PLCB4: variants seen among roughly 807,000 people sequenced by gnomAD.
PLCB4 encodes the protein phospholipase C beta 4.
In PLCB4, 77 loss-of-function variants were observed where a neutral mutation model predicts 178.8. The observed-to-expected ratio is 0.43, with a 90% CI of 0.36 to 0.52. PLCB4 has a LOEUF of 0.52. PLCB4 is among the 20% of genes least tolerant of loss of function. The probability of loss-of-function intolerance (pLI) is 0.00; values close to 1 mark genes in which losing one functional copy is unlikely to be tolerated. For synonymous variants in PLCB4, 496 were observed against 490.8 expected, an observed-to-expected ratio of 1.01 and a Z score of -0.14; for missense variants, 1,024 against 1,453.4, an observed-to-expected ratio of 0.70 and a Z score of 4.80.
intron 7 of PLCB4, among the ~76,000 whole-genome samples, chr20:9,341,845 C>T (rs1182482676): frequency 6.6e-6 from 1 of 151,980 alleles, no homozygotes; most frequent in East Asian, 1.9e-4. Context: ...CAGTTAAGAA[C>T]TAAAAAATAA....
rs4053132 is a variant in PLCB4 at position 9,293,622 on chromosome 20, T to TATTCATTCATTCATTCATTC, written c.-15-14166_-15-14147dup. On this transcript the variant is annotated intron_variant, in intron 3 of 39. Transcript: ENST00000378473. ...TTGGGAGCTCCTCCACAGAGTAAAA[T>TATTCATTCATTCATTCATTC]ATTCATTCATTCATTCATTCATTCA... Among the ~76,000 whole-genome samples the TATTCATTCATTCATTCATTC allele has an allele frequency of 3.0e-4, 45 of 150,866 alleles. 1 individual carries two copies. The highest frequency in any genetic ancestry group is 1.1e-3 in the Admixed American group (16 of 15,128).
intron 2 of PLCB4, among the ~76,000 whole-genome samples, chr20:9,112,121 T>C (rs1490187485): frequency 6.6e-6 from 1 of 152,180 alleles, no homozygotes; most frequent in Non-Finnish European, 1.5e-5. Flanking sequence ...TCTTAGCATT[T>C]CATAACAACT....
At chr20:9,321,270 G>T (rs2094955827) in intron 4 of PLCB4, among the ~76,000 whole-genome samples, 1 of 152,208 alleles carries the variant, frequency 6.6e-6, no homozygotes, top group East Asian at 1.9e-4. Flanking sequence ...TCAACATGTA[G>T]TACGTGATGG....
intron 13 of PLCB4, among the ~76,000 whole-genome samples, chr20:9,381,147 C>T (rs2037107735): frequency 6.6e-6 from 1 of 152,178 alleles, no homozygotes; most frequent in African/African-American, 2.4e-5. Context: ...ATGCTTCATT[C>T]CTTCCCTCTC....
chr20:9,115,958 C>G (rs1467487622), intron 2 of PLCB4, among the ~76,000 whole-genome samples: 1 of 151,854 alleles, frequency 6.6e-6, no homozygotes, highest in Non-Finnish European at 1.5e-5. Context: ...ATTTGGGAAA[C>G]AGAAAAACAT....
At chr20:9,406,491 A>ATT (rs113287972) in intron 21 of PLCB4, among the ~76,000 whole-genome samples, 6 of 142,690 alleles carry the variant, frequency 4.2e-5, no homozygotes, top group Non-Finnish European at 7.7e-5. Flanking sequence ...CAAATTGACC[A>ATT]TTTTTTTTTT....
intron 14 of PLCB4, among the ~76,000 whole-genome samples, chr20:9,385,447 G>A (rs567543859): frequency 2.7e-3 from 401 of 149,128 alleles, no homozygotes; most frequent in African/African-American, 9.3e-3. Context: ...GGGCAGAGGC[G>A]CTCCTCACCT....
rs549210000 is a variant in PLCB4 at position 9,435,475 on chromosome 20, G to T, written c.2525-85G>T. On this transcript the variant is annotated intron_variant, in intron 28 of 39. Coordinates refer to ENST00000378473, the MANE Select transcript of PLCB4 (RefSeq NM_001377142.1). ...AACAGAAAGCACAACAGGTATCCAG[G>T]ATTGTAGTTTATTAAGCAGAGTTTT... is the stretch of plus-strand genomic sequence containing the variant. The T allele has an allele frequency of 3.8e-4, 306 of 805,078 alleles. 3 individuals carry two copies. In the African/African-American group the frequency reaches 4.9e-3, roughly 13 times the overall value. The allele number at this position is 805,078 out of a possible 1,614,324, so 49.9% of individuals were successfully genotyped here.
At chr20:9,391,037 T>C (rs768387760) in intron 17 of PLCB4, among the ~76,000 whole-genome samples, 3 of 152,182 alleles carry the variant, frequency 2.0e-5, no homozygotes, top group Non-Finnish European at 4.4e-5. Context: ...GTGAACTGTA[T>C]ATGCACCCGG....
intron 32 of PLCB4, among the ~76,000 whole-genome samples, chr20:9,444,466 TA>T (rs2042289497): frequency 1.3e-5 from 2 of 152,328 alleles, no homozygotes; most frequent in East Asian, 3.9e-4. Context: ...TTCATCCATT[TA>T]AAAATTGTTT....
chr20:9,126,618 T>A (rs903319644), intron 2 of PLCB4, among the ~76,000 whole-genome samples: 2 of 152,156 alleles, frequency 1.3e-5, no homozygotes, highest in Admixed American at 1.3e-4. Context: ...GCACTTATAA[T>A]ATAATTGCAT....
chr20:9,235,699 A>G (rs1258406991), intron 3 of PLCB4, among the ~76,000 whole-genome samples: 1 of 152,196 alleles, frequency 6.6e-6, no homozygotes, highest in Non-Finnish European at 1.5e-5. Context: ...CCTTGCAGAC[A>G]CCAGCTGGTT....
rs761884376 is a variant in PLCB4, at chr20:9,437,017, G to A, written c.2629G>A (p.Val877Met). ...TCTGTTCCAGAGTGACATAGCCGAC[G>A]TGCCCAGTGACACTTCCAAAAATGA... ...MGIETSDIADVPSDTSKNDKK... is the reference protein window; with the variant it reads ...MGIETSDIADMPSDTSKNDKK... Residue 877 changes from valine to methionine, a missense_variant, in exon 30 of 40, where the codon GTG (valine) becomes ATG (methionine). Transcript: ENST00000378473. The A allele has an allele frequency of 1.9e-5, 30 of 1,613,982 alleles. No individual in the cohort carries two copies. Among genetic ancestry groups the A allele is most frequent in the Non-Finnish European group, 1.4e-5 (17 of 1,179,946 alleles).
intron 1 of PLCB4, among the ~76,000 whole-genome samples, chr20:9,082,721 T>G (rs2146524090): frequency 6.6e-6 from 1 of 152,328 alleles, no homozygotes; most frequent in East Asian, 1.9e-4. Flanking sequence ...TGAGGCCCTC[T>G]GAGAATCTTA....
intron 3 of PLCB4, among the ~76,000 whole-genome samples, chr20:9,266,005 A>G (rs1342307730): frequency 3.9e-5 from 6 of 152,230 alleles, no homozygotes; most frequent in Non-Finnish European, 8.8e-5. Flanking sequence ...TGGAAAAAAG[A>G]AAGTTGATAA....
At chr20:9,422,801 C>G (rs994458185) in intron 27 of PLCB4, among the ~76,000 whole-genome samples, 1 of 152,156 alleles carries the variant, frequency 6.6e-6, no homozygotes, top group African/African-American at 2.4e-5. Flanking sequence ...AGCCTCTATT[C>G]ACTGCATAAG....
At chr20:9,472,971 T>G in intron 37 of PLCB4, 124 bp downstream of exon 37, 1 of 590,060 alleles carries the variant, frequency 1.7e-6, no homozygotes, top group Non-Finnish European at 3.0e-6. Flanking sequence ...ACATTCCAGC[T>G]TCTCTGCTCC....
At position 9,479,669 on chromosome 20, in the gene PLCB4, G is replaced by A. The variant is rs1471522043; in HGVS notation, c.*660G>A. 2.6e-5 allele frequency: 4 copies of A among 152,650 alleles called. No homozygotes were observed. The highest frequency in any genetic ancestry group is 9.7e-5 in the African/African-American group (4 of 41,440). 9.5% of individuals were successfully genotyped at this position (152,650 alleles called of 1,614,324 possible). On this transcript the variant is annotated 3_prime_UTR_variant, in exon 40 of 40. Coordinates refer to ENST00000378473, the MANE Select transcript of PLCB4 (RefSeq NM_001377142.1). The stretch of plus-strand genomic sequence containing the variant: ...GGCACATTTAAGAAAGTTTACATCT[G>A]ACATTGCTTTATAGGAATTGTTTCT...
intron 17 of PLCB4, among the ~76,000 whole-genome samples, chr20:9,392,465 A>G (rs2148420855): frequency 6.6e-6 from 1 of 152,294 alleles, no homozygotes; most frequent in Non-Finnish European, 1.5e-5. Context: ...AATGGAGAGG[A>G]TATTTCCTGT....
Sources: allele counts gnomAD v4.1 joint callset (sites outside exome capture counted in the v4.1 genomes callset), GRCh38; gene constraint gnomAD v4.1.1; transcripts MANE v1.5; gene names NCBI Gene and HGNC (gene_info 2026-07-23, HGNC 2026-07-21).